Variants in SLIT3 observed in about 807,000 individuals in gnomAD.
SLIT3 encodes the protein slit guidance ligand 3.
SLIT3 carries 68 observed loss-of-function variants against 184.0 expected under a neutral mutation model. The ratio of observed to expected loss-of-function variants is 0.37; its 90% confidence interval spans 0.30 to 0.45. The LOEUF (loss-of-function observed/expected upper bound fraction) is 0.45. SLIT3 is among the 20% of genes least tolerant of loss of function. The probability of loss-of-function intolerance (pLI) is 1.00; values close to 1 mark genes in which losing one functional copy is unlikely to be tolerated. For missense variants in SLIT3, 1,707 were observed against 2,026.0 expected, an observed-to-expected ratio of 0.84 and a Z score of 3.02; for synonymous variants, 831 against 828.6, an observed-to-expected ratio of 1.00 and a Z score of -0.05.
chr5:169,191,637 G>A (rs148443770), intron 4 of SLIT3, among the ~76,000 whole-genome samples: 15 of 152,206 alleles, frequency 9.9e-5, no homozygotes, highest in Admixed American at 2.0e-4. Flanking sequence ...TTTAGATACC[G>A]AAGGAAAAGT....
At chr5:169,127,259 T>G (rs1761116725) in intron 4 of SLIT3, among the ~76,000 whole-genome samples, 1 of 152,198 alleles carries the variant, frequency 6.6e-6, no homozygotes, top group Non-Finnish European at 1.5e-5. Context: ...AATGGTAAAA[T>G]AGGCACTGCC....
At chr5:169,111,024 TACTG>T (rs1472842751) in intron 4 of SLIT3, among the ~76,000 whole-genome samples, 1 of 152,196 alleles carries the variant, frequency 6.6e-6, no homozygotes, top group Non-Finnish European at 1.5e-5. Context: ...GCAACGGCCT[TACTG>T]ACTTTCAGTT....
intron 4 of SLIT3, among the ~76,000 whole-genome samples, chr5:169,084,455 T>A (rs59756519): frequency 0.012 from 460 of 39,268 alleles, 1 homozygote; most frequent in African/African-American, 0.05. Flanking sequence ...CATGCCCAGA[T>A]TTTTTTTTTT....
At chr5:168,967,855 C>T (rs1763267016) in intron 4 of SLIT3, among the ~76,000 whole-genome samples, 1 of 152,172 alleles carries the variant, frequency 6.6e-6, no homozygotes, top group Non-Finnish European at 1.5e-5. Context: ...CGGGTTCCCA[C>T]TCTACTTCCC....
At chr5:169,039,900 G>A (rs867163808) in intron 4 of SLIT3, among the ~76,000 whole-genome samples, 1 of 152,164 alleles carries the variant, frequency 6.6e-6, no homozygotes, top group South Asian at 2.1e-4. Flanking sequence ...ATACAATACT[G>A]AACTTCACTA....
Position 168,666,259 on chromosome 5 carries a change from G to T in SLIT3, c.*195C>A, listed in dbSNP as rs78851140. Reference sequence around the variant, plus strand: ...GGTGTAATATATTTATATAATAAAAGATGAAAATAGTCACTTTCCATAATA... The same window carrying T: ...GGTGTAATATATTTATATAATAAAATATGAAAATAGTCACTTTCCATAATA... On this transcript the variant is annotated 3_prime_UTR_variant, in exon 36 of 36. Coordinates refer to ENST00000519560, the MANE Select transcript of SLIT3 (RefSeq NM_003062.4). The T allele has an allele frequency of 6.1e-6, 3 of 489,256 alleles. No homozygotes were observed. The highest frequency in any genetic ancestry group is 1.0e-4 in the South Asian group (2 of 19,212). The allele number at this position is 489,256 out of a possible 1,614,324, so 30.3% of individuals were successfully genotyped here. A position where few individuals can be genotyped will look rare whatever the true frequency, so the allele number is the denominator to read the frequency against.
chr5:168,925,466 C>G (rs1761785816), intron 4 of SLIT3, among the ~76,000 whole-genome samples: 1 of 152,196 alleles, frequency 6.6e-6, no homozygotes, highest in African/African-American at 2.4e-5. Context: ...CCTGGCAGGT[C>G]TCTCTTCCCA....
chr5:168,805,283 T>A (rs931789406), intron 9 of SLIT3, among the ~76,000 whole-genome samples: 1 of 150,528 alleles, frequency 6.6e-6, no homozygotes, highest in East Asian at 2.0e-4. Context: ...TTGGAATGCA[T>A]TGGGAACAGA....
chr5:169,119,870 A>G (rs1345575039), intron 4 of SLIT3: 1 of 152,154 alleles, frequency 6.6e-6, no homozygotes, highest in Non-Finnish European at 1.5e-5. Context: ...AATTATGTCA[A>G]CTCATGAAAC....
intron 25 of SLIT3, among the ~76,000 whole-genome samples, chr5:168,709,487 A>G (rs1746694215): frequency 6.6e-6 from 1 of 152,210 alleles, no homozygotes; most frequent in South Asian, 2.1e-4. Flanking sequence ...GGCTTCAGTA[A>G]TTTTAAAAGC....
At chr5:168,982,737 C>G (rs534940542) in intron 4 of SLIT3, among the ~76,000 whole-genome samples, 14 of 152,278 alleles carry the variant, frequency 9.2e-5, no homozygotes, top group Admixed American at 9.2e-4. Context: ...CAAGAGTGGA[C>G]TAGAGCTGAC....
chr5:169,006,627 A>G (rs1035255653), intron 4 of SLIT3, among the ~76,000 whole-genome samples: 1 of 150,340 alleles, frequency 6.7e-6, no homozygotes, highest in Admixed American at 6.8e-5. Context: ...ACACACACAC[A>G]CACAACTCTC....
chr5:169,029,128 T>C (rs1387282779), intron 4 of SLIT3, among the ~76,000 whole-genome samples: 1 of 152,160 alleles, frequency 6.6e-6, no homozygotes, highest in Non-Finnish European at 1.5e-5. Context: ...TCCCATGCAA[T>C]AGCAAAGCAA....
intron 4 of SLIT3, among the ~76,000 whole-genome samples, chr5:169,182,651 C>A (rs1412459786): frequency 6.6e-6 from 1 of 152,188 alleles, no homozygotes; most frequent in Non-Finnish European, 1.5e-5. Flanking sequence ...GGTTCAGGAA[C>A]AAATATTTCA....
chr5:169,097,267 C>G (rs979124779), intron 4 of SLIT3, among the ~76,000 whole-genome samples: 2 of 152,226 alleles, frequency 1.3e-5, no homozygotes, highest in Admixed American at 6.5e-5. Flanking sequence ...GAAATCCTCA[C>G]TTTTCTTCCC....
At chr5:168,902,915 T>C (rs1760919889) in intron 4 of SLIT3, among the ~76,000 whole-genome samples, 1 of 152,004 alleles carries the variant, frequency 6.6e-6, no homozygotes, top group Non-Finnish European at 1.5e-5. Context: ...AGAATGGGAA[T>C]AGCGGCTGAT....
chr5:168,963,477 C>T (rs955719239), intron 4 of SLIT3, among the ~76,000 whole-genome samples: 2 of 152,220 alleles, frequency 1.3e-5, no homozygotes, highest in East Asian at 1.9e-4. Context: ...TAACCTCATG[C>T]TCATTTCTTT....
At chr5:169,039,816 A>G (rs992750411) in intron 4 of SLIT3, among the ~76,000 whole-genome samples, 3 of 152,168 alleles carry the variant, frequency 2.0e-5, no homozygotes, top group Non-Finnish European at 4.4e-5. Context: ...CCTTATTAAA[A>G]CGAATTCAAA....
At chr5:169,182,306 C>A (rs1452147620) in intron 4 of SLIT3, among the ~76,000 whole-genome samples, 1 of 152,208 alleles carries the variant, frequency 6.6e-6, no homozygotes, top group Non-Finnish European at 1.5e-5. Context: ...ACTTAAACGT[C>A]TCCATTTCTA....
Sources: gnomAD v4.1 joint callset for allele counts (sites outside exome capture counted in the v4.1 genomes callset) on GRCh38, gnomAD v4.1.1 for gene constraint, MANE v1.5 for transcripts, NCBI Gene and HGNC (gene_info 2026-07-23, HGNC 2026-07-21) for gene names.